SGCZ: variants seen among roughly 807,000 people sequenced by gnomAD.
SGCZ encodes sarcoglycan zeta.
Under a neutral mutation model 41.3 loss-of-function variants are expected in SGCZ, and 40 were observed. The ratio of observed to expected loss-of-function variants is 0.97; its 90% CI spans 0.75 to 1.26. SGCZ has a LOEUF of 1.26. Ranked by LOEUF, SGCZ falls within the 50% of genes most tolerant of loss-of-function variation. The probability of loss-of-function intolerance (pLI) is 0.00; values close to 1 mark genes in which losing one functional copy is unlikely to be tolerated. For synonymous variants in SGCZ, 206 were observed against 137.5 expected, an observed-to-expected ratio of 1.50 and a Z score of -3.49; for missense variants, 552 against 369.8, an observed-to-expected ratio of 1.49 and a Z score of -4.04.
chr8:14,425,222 G>T (rs1016585437), intron 2 of SGCZ, among the ~76,000 whole-genome samples: 1 of 152,098 alleles, frequency 6.6e-6, no homozygotes, highest in African/African-American at 2.4e-5. Context: ...ACAGTTCAGG[G>T]TTTCTCACTA....
chr8:15,101,925 A>G (rs566678649), intron 1 of SGCZ, among the ~76,000 whole-genome samples: 8 of 152,194 alleles, frequency 5.3e-5, no homozygotes, highest in Non-Finnish European at 1.0e-4. Flanking sequence ...ACTGTCTAAA[A>G]AGAAAAAGAA....
chr8:15,038,984 G>C (rs904579959), intron 1 of SGCZ, among the ~76,000 whole-genome samples: 1 of 152,060 alleles, frequency 6.6e-6, no homozygotes, highest in Non-Finnish European at 1.5e-5. Context: ...AAAGATAAAC[G>C]TTGGTGAGAA....
intron 1 of SGCZ, among the ~76,000 whole-genome samples, chr8:15,132,687 T>A (rs2116976978): frequency 6.6e-6 from 1 of 152,306 alleles, no homozygotes; most frequent in Middle Eastern, 3.4e-3. Context: ...TATTGAGGAA[T>A]TTTGAAAGCC....
chr8:14,924,893 T>C (rs1799699940), intron 1 of SGCZ, among the ~76,000 whole-genome samples: 1 of 147,866 alleles, frequency 6.8e-6, no homozygotes, highest in African/African-American at 2.5e-5. Context: ...ATTCTCACTG[T>C]GTCACCCAGG....
intron 2 of SGCZ, among the ~76,000 whole-genome samples, chr8:14,496,621 T>C (rs1302239725): frequency 1.3e-5 from 2 of 152,186 alleles, no homozygotes; most frequent in Non-Finnish European, 2.9e-5. Flanking sequence ...GTATCACAGT[T>C]GTAGAAAATT....
At chr8:14,873,721 C>T (rs1804248641) in intron 1 of SGCZ, among the ~76,000 whole-genome samples, 2 of 152,094 alleles carry the variant, frequency 1.3e-5, no homozygotes, top group South Asian at 2.1e-4. Flanking sequence ...AACCCCAGCT[C>T]CTTCCACTGA....
intron 1 of SGCZ, among the ~76,000 whole-genome samples, chr8:15,001,217 G>A (rs1022133700): frequency 1.3e-5 from 2 of 152,168 alleles, no homozygotes; most frequent in African/African-American, 4.8e-5. Flanking sequence ...GAGAGAGACT[G>A]CTAACGTGAG....
At chr8:14,950,733 A>G (rs1024803007) in intron 1 of SGCZ, among the ~76,000 whole-genome samples, 16 of 152,072 alleles carry the variant, frequency 1.1e-4, no homozygotes, top group Admixed American at 2.6e-4. Context: ...TAAAACATAA[A>G]GCAATACATA....
intron 7 of SGCZ, among the ~76,000 whole-genome samples, chr8:14,100,010 ACTAT>A (rs1005467731): frequency 5.3e-5 from 8 of 152,168 alleles, no homozygotes; most frequent in Non-Finnish European, 8.8e-5. Context: ...TAGTTTAAAA[ACTAT>A]CTAAGGATAA....
intron 1 of SGCZ, among the ~76,000 whole-genome samples, chr8:15,110,739 C>G (rs1033274925): frequency 6.6e-6 from 1 of 152,078 alleles, no homozygotes; most frequent in Non-Finnish European, 1.5e-5. Context: ...GAAGCCAAGG[C>G]GGGCGGATCA....
At chr8:14,246,060 C>G (rs1249586946) in intron 3 of SGCZ, among the ~76,000 whole-genome samples, 1 of 152,124 alleles carries the variant, frequency 6.6e-6, no homozygotes, top group Admixed American at 6.5e-5. Flanking sequence ...GGATCTAGAA[C>G]TAGAAATACC....
At chr8:14,774,927 G>A (rs960348421) in intron 1 of SGCZ, among the ~76,000 whole-genome samples, 2 of 152,022 alleles carry the variant, frequency 1.3e-5, no homozygotes, top group African/African-American at 2.4e-5. Context: ...GGCCTTTGAA[G>A]GTTTTAATCT....
intron 3 of SGCZ, among the ~76,000 whole-genome samples, chr8:14,287,203 T>C (rs1018608883): frequency 1.3e-5 from 2 of 151,206 alleles, no homozygotes; most frequent in East Asian, 1.9e-4. Flanking sequence ...TTGTCTTTAG[T>C]TATATATATA....
intron 1 of SGCZ, among the ~76,000 whole-genome samples, chr8:14,674,928 GTTTTTTTTTTTTT>G (rs201881681): frequency 2.8e-5 from 2 of 70,998 alleles, no homozygotes; most frequent in Admixed American, 2.1e-4. Flanking sequence ...TTTCTTTTCT[GTTTTTTTTTTTTT>G]TTTTTTTTTT....
intron 1 of SGCZ, among the ~76,000 whole-genome samples, chr8:15,173,656 C>A (rs1799914925): frequency 6.6e-6 from 1 of 152,120 alleles, no homozygotes; most frequent in Non-Finnish European, 1.5e-5. Context: ...CTTGGTAAGA[C>A]ACAGAACATT....
chr8:14,761,700 A>G (rs1348735308), intron 1 of SGCZ, among the ~76,000 whole-genome samples: 3 of 151,652 alleles, frequency 2.0e-5, no homozygotes, highest in African/African-American at 7.3e-5. Context: ...TAATTTTTGT[A>G]TTTTTAGTAG....
At chr8:14,595,294 C>T (rs1805372018) in intron 1 of SGCZ, among the ~76,000 whole-genome samples, 1 of 151,898 alleles carries the variant, frequency 6.6e-6, no homozygotes, top group Non-Finnish European at 1.5e-5. Context: ...TAAATATTTC[C>T]TCAATGTCAA....
intron 5 of SGCZ, among the ~76,000 whole-genome samples, chr8:14,163,725 T>C (rs1481891577): frequency 1.3e-5 from 2 of 152,158 alleles, no homozygotes; most frequent in Non-Finnish European, 2.9e-5. Flanking sequence ...ACAGAGTTGA[T>C]GTTCTTCAAT....
At chr8:14,480,341 T>G (rs910939965) in intron 2 of SGCZ, among the ~76,000 whole-genome samples, 1 of 152,216 alleles carries the variant, frequency 6.6e-6, no homozygotes, top group Non-Finnish European at 1.5e-5. Flanking sequence ...TCTCTTTTCT[T>G]CAGGACACCA....
Sources: gnomAD v4.1 joint callset for allele counts (sites outside exome capture counted in the v4.1 genomes callset) on GRCh38, gnomAD v4.1.1 for gene constraint, MANE v1.5 for transcripts, NCBI Gene and HGNC (gene_info 2026-07-23, HGNC 2026-07-21) for gene names.